The following HTT variants were observed in gnomAD, a reference collection of about 807,000 sequenced individuals.
The protein encoded by HTT is huntington disease protein.
HTT carries 104 observed loss-of-function variants against 362.3 expected under a neutral mutation model. The observed-to-expected ratio is 0.29, with a 90% CI of 0.24 to 0.34. The LOEUF (loss-of-function observed/expected upper bound fraction) is 0.34, where lower values mean the gene tolerates loss of function less well. Ranked by LOEUF, HTT falls within the 10% of genes least tolerant of loss-of-function variation. The probability of loss-of-function intolerance (pLI) is 1.00; values close to 1 mark genes in which losing one functional copy is unlikely to be tolerated. For synonymous variants in HTT, 1,577 were observed against 1,548.7 expected, an observed-to-expected ratio of 1.02 and a Z score of -0.43; for missense variants, 3,301 against 3,928.6, an observed-to-expected ratio of 0.84 and a Z score of 4.27.
At chr4:3,106,680 TG>T (rs1306091853) in intron 5 of HTT, among the ~76,000 whole-genome samples, 1 of 151,640 alleles carries the variant, frequency 6.6e-6, no homozygotes. Flanking sequence ...TTCCTCCTGA[TG>T]GTTTTTTTTT....
intron 1 of HTT, among the ~76,000 whole-genome samples, chr4:3,084,198 C>CTTTTT (rs4038024): frequency 1.2e-5 from 1 of 81,940 alleles, no homozygotes; most frequent in Non-Finnish European, 2.4e-5. Context: ...AATGCTTTGT[C>CTTTTT]TTTTTTTTTT....
intron 4 of HTT, among the ~76,000 whole-genome samples, 175 bp from the exon 5 acceptor site, chr4:3,105,182 A>G (rs563782293): frequency 1.3e-5 from 2 of 152,346 alleles, no homozygotes; most frequent in Admixed American, 6.5e-5. Context: ...CTTACTTTAT[A>G]TCTTTATAAT....
At chr4:3,168,109 T>C (rs973003114) in intron 29 of HTT, among the ~76,000 whole-genome samples, 2 of 152,238 alleles carry the variant, frequency 1.3e-5, no homozygotes, top group African/African-American at 2.4e-5. Context: ...TTGAGGAATC[T>C]CCCTCACTGA....
intron 16 of HTT, 86 bp downstream of exon 16, chr4:3,131,861 CAG>C: frequency 3.0e-6 from 4 of 1,331,656 alleles, no homozygotes; most frequent in Non-Finnish European, 4.2e-6. Flanking sequence ...AGTTTTAGAG[CAG>C]TAAGTGTTTT....
Position 3,238,495 on chromosome 4 carries a change from G to A in HTT, c.8940G>A (p.Leu2980=), listed in dbSNP as rs1314220645. ...AAGCCAGAGTGGTGGCCAGGATCCTGCCCCAGTTTCTAGACGACTTCTTCC... is the reference window on the plus strand; with the variant it reads ...AAGCCAGAGTGGTGGCCAGGATCCTACCCCAGTTTCTAGACGACTTCTTCC... ...PCEARVVARI[L]PQFLDDFFPP... Residue 2980 remains leucine (L), a synonymous_variant, in exon 65 of 67, where the codon CTG becomes CTA. Coordinates refer to ENST00000355072, the MANE Select transcript of HTT (RefSeq NM_001388492.1). 6.2e-7 allele frequency: 1 copy of A among 1,613,264 alleles called. No individual in the cohort carries two copies. Among genetic ancestry groups the A allele is most frequent in the South Asian group, 1.1e-5 (1 of 90,744 alleles).
chr4:3,155,271 G>T (rs1014423952), intron 27 of HTT, among the ~76,000 whole-genome samples: 2 of 151,266 alleles, frequency 1.3e-5, no homozygotes, highest in Non-Finnish European at 2.9e-5. Flanking sequence ...ACCCAGGCTG[G>T]AGTGCAGTGG....
chr4:3,204,703 C>T (rs1243123776), intron 42 of HTT, among the ~76,000 whole-genome samples: 1 of 152,100 alleles, frequency 6.6e-6, no homozygotes, highest in Non-Finnish European at 1.5e-5. Flanking sequence ...TGTGGTGGCT[C>T]GTGCCTGTAA....
At chr4:3,125,440 T>G (rs1560558244) in intron 10 of HTT, 109 bp from the exon 11 acceptor site, 10 of 664,506 alleles carry the variant, frequency 1.5e-5, no homozygotes, top group Non-Finnish European at 2.4e-5. Context: ...ATAAACTATA[T>G]TAGAGTAAAT....
Position 3,086,931 on chromosome 4 carries a change from A to AT in HTT, c.264-3dup. 6.5e-7 allele frequency: 1 copy of AT among 1,538,550 alleles called. No individual in the cohort carries two copies. Among genetic ancestry groups the AT allele is most frequent in the Non-Finnish European group, 9.0e-7 (1 of 1,114,892 alleles). On this transcript the variant is annotated splice_polypyrimidine_tract_variant and splice_region_variant and intron_variant, in intron 1 of 66. Transcript: ENST00000355072. ...ACATATTAATTTCCTTCTTTTTTTT[A>AT]TTTTTAGAAAGAAAGAACTTTCAGC...
intron 6 of HTT, among the ~76,000 whole-genome samples, chr4:3,111,703 G>A (rs1323432518): frequency 6.6e-6 from 1 of 152,114 alleles, no homozygotes; most frequent in Non-Finnish European, 1.5e-5. Flanking sequence ...CTCAGCCTAT[G>A]TAAACACCTC....
intron 29 of HTT, among the ~76,000 whole-genome samples, 187 bp from the exon 30 acceptor site, chr4:3,172,133 A>G (rs1024191412): frequency 6.6e-6 from 1 of 152,246 alleles, no homozygotes; most frequent in Non-Finnish European, 1.5e-5. Context: ...GTTGTAATGT[A>G]TATAACTTGG....
intron 19 of HTT, among the ~76,000 whole-genome samples, chr4:3,134,750 G>A (rs1715981940): frequency 6.6e-6 from 1 of 152,100 alleles, no homozygotes; most frequent in Non-Finnish European, 1.5e-5. Context: ...TTTATTTAGA[G>A]ACAAGATCTT....
intron 59 of HTT, 129 bp downstream of exon 59, chr4:3,229,138 C>CA (rs1275854518): frequency 1.2e-6 from 1 of 827,878 alleles, no homozygotes; most frequent in Non-Finnish European, 1.9e-6. Flanking sequence ...ATGCAACACA[C>CA]ACACAGGCCA....
At chr4:3,238,266 C>T (rs142964470) in intron 64 of HTT, among the ~76,000 whole-genome samples, 181 bp from the exon 65 acceptor site, 10 of 152,324 alleles carry the variant, frequency 6.6e-5, no homozygotes, top group African/African-American at 2.2e-4. Context: ...TCTCAAAATT[C>T]GTACTCCAGT....
chr4:3,077,698 G>C (rs2110132468), intron 1 of HTT, among the ~76,000 whole-genome samples: 1 of 152,290 alleles, frequency 6.6e-6, no homozygotes, highest in Admixed American at 6.5e-5. Flanking sequence ...GATTACAGGT[G>C]TGAGCCACCA....
In HTT at chr4:3,107,515, A is replaced by G. The variant is rs542242449; in HGVS notation, c.747+92A>G. The G allele has an allele frequency of 1.2e-5, 16 of 1,306,630 alleles. No homozygotes were observed. The South Asian group carries it at 1.7e-4, about 13-fold the overall frequency. The allele number at this position is 1,306,630 out of a possible 1,614,324, so 80.9% of individuals were successfully genotyped here. A position where few individuals can be genotyped will look rare whatever the true frequency, so the allele number is the denominator to read the frequency against. On this transcript the variant is annotated intron_variant, in intron 6 of 66. Transcript: ENST00000355072. Reference sequence around the variant, plus strand: ...GCTTCTGAACAGGGAGTCCTGTGGGAGTGCTTCTTGGGGTATGTTGTATGT... The same window carrying G: ...GCTTCTGAACAGGGAGTCCTGTGGGGGTGCTTCTTGGGGTATGTTGTATGT...
At chr4:3,157,039 A>C in intron 27 of HTT, 33 bp from the exon 28 acceptor site, 3 of 1,557,006 alleles carry the variant, frequency 1.9e-6, no homozygotes, top group Non-Finnish European at 1.7e-6. Flanking sequence ...ATTTTGATCT[A>C]AAAGTTTATC....
At position 3,115,436 on chromosome 4, in the gene HTT, G is replaced by A. The variant is rs781005553; in HGVS notation, c.880G>A (p.Val294Met). ...TQYFYSWLLN[V>M]LLGLLVPVED... Reference sequence around the variant, plus strand: ...ATATTTCTATAGTTGGCTACTAAATGTGCTCTTAGGTAAGGTGGAGGCATA... The same window carrying A: ...ATATTTCTATAGTTGGCTACTAAATATGCTCTTAGGTAAGGTGGAGGCATA... The change falls in exon 7 of 67, where the codon GTG becomes ATG. Residue 294 changes from valine to methionine, a missense_variant. Coordinates refer to ENST00000355072, the MANE Select transcript of HTT (RefSeq NM_001388492.1). 1.2e-6 allele frequency: 2 copies of A among 1,613,196 alleles called. No homozygotes were observed. The highest frequency in any genetic ancestry group is 2.2e-5 in the South Asian group (2 of 91,044).
In HTT at chr4:3,223,577, A is replaced by T; in HGVS notation, c.7625+17A>T. 1 of 1,593,436 alleles carries T rather than the reference A, an allele frequency of 6.3e-7. No homozygotes were observed. Among genetic ancestry groups the T allele is most frequent in the Non-Finnish European group, 8.6e-7 (1 of 1,167,648 alleles). ...CGACACCAGGTTTGCTTGAGTTCCC[A>T]CGTGTCTCTGGGACATAGCAGGTGC... On this transcript the variant is annotated intron_variant, in intron 55 of 66. Coordinates refer to ENST00000355072, the MANE Select transcript of HTT (RefSeq NM_001388492.1).
Sources: gnomAD v4.1 joint callset for allele counts (sites outside exome capture counted in the v4.1 genomes callset) on GRCh38, gnomAD v4.1.1 for gene constraint, MANE v1.5 for transcripts, NCBI Gene and HGNC (gene_info 2026-07-23, HGNC 2026-07-21) for gene names.